Variants in GBX1 observed in about 807,000 individuals in gnomAD.
The protein encoded by GBX1 is gastrulation brain homeobox 1.
In GBX1, 9 loss-of-function variants were observed where a neutral mutation model predicts 22.9. The observed-to-expected ratio is 0.39, with a 90% CI of 0.24 to 0.69. The LOEUF (loss-of-function observed/expected upper bound fraction) is 0.69, where lower values mean the gene tolerates loss of function less well. Ranked by LOEUF, GBX1 falls within the 30% of genes least tolerant of loss-of-function variation. The pLI, the probability that GBX1 is intolerant of heterozygous loss-of-function variation, is 0.43. For synonymous variants in GBX1, 203 were observed against 227.3 expected, an observed-to-expected ratio of 0.89 and a Z score of 0.96; for missense variants, 494 against 509.2, an observed-to-expected ratio of 0.97 and a Z score of 0.29.
chr7:151,166,952 T>C, intron 1 of GBX1, 59 bp downstream of exon 1: 4 of 1,558,510 alleles, frequency 2.6e-6, no homozygotes, highest in Non-Finnish European at 3.5e-6. Flanking sequence ...AGCAGGTTCC[T>C]GTCTGGAATT....
intron 1 of GBX1, among the ~76,000 whole-genome samples, chr7:151,164,438 T>G (rs1440805247): frequency 6.6e-6 from 1 of 152,196 alleles, no homozygotes; most frequent in East Asian, 1.9e-4. Context: ...TTTTCTTTTC[T>G]CAATGATTTC....
At chr7:151,149,713 C>T in intron 1 of GBX1, 1 of 334,852 alleles carries the variant, frequency 3.0e-6, no homozygotes, top group Non-Finnish European at 5.9e-6. Flanking sequence ...CCTCATCTGG[C>T]CCAGCTGACG....
intron 1 of GBX1, chr7:151,150,056 G>A (rs1405011655): frequency 7.4e-6 from 3 of 406,714 alleles, no homozygotes; most frequent in East Asian, 1.6e-4. Flanking sequence ...GAGGAAGAGG[G>A]AAAAGTGCAA....
intron 1 of GBX1, among the ~76,000 whole-genome samples, chr7:151,153,697 C>G (rs1484217315): frequency 1.3e-5 from 2 of 152,166 alleles, no homozygotes; most frequent in East Asian, 3.9e-4. Context: ...TAGGCGCACA[C>G]CACCATGGCT....
intron 1 of GBX1, among the ~76,000 whole-genome samples, chr7:151,163,220 A>T (rs974972968): frequency 3.9e-5 from 6 of 151,980 alleles, no homozygotes; most frequent in Non-Finnish European, 5.9e-5. Flanking sequence ...ACAGCAAGTT[A>T]GCTTTGATTA....
At position 151,148,778 on chromosome 7, in the gene GBX1, A is replaced by C. The variant is rs2150546821; in HGVS notation, c.903T>G (p.Ser301Arg). 1 of 1,614,008 alleles carries C rather than the reference A, an allele frequency of 6.2e-7. No homozygotes were observed. The highest frequency in any genetic ancestry group is 1.1e-5 in the South Asian group (1 of 91,080). Residue 301 changes from serine to arginine, a missense_variant, in exon 2 of 2, where the codon AGT becomes AGG. By Grantham distance (110) the Ser-to-Arg change is moderately radical. This residue lies in a region of GBX1 where 124 missense variants were observed against 152.0 expected (regional missense o/e 0.82). Transcript: ENST00000297537. The surrounding 1 kb of genome is among the most constrained non-coding windows in gnomAD (Gnocchi z 5.1). ...RSQIAHALKL[S>R]EVQVKIWFQN... ...GAAACCAGATCTTGACCTGCACCTC[A>C]CTGAGCTTGAGGGCGTGGGCGATCT...
intron 1 of GBX1, among the ~76,000 whole-genome samples, chr7:151,159,111 G>T (rs1258393138): frequency 6.7e-6 from 1 of 149,318 alleles, no homozygotes; most frequent in African/African-American, 2.5e-5. Flanking sequence ...TTGAGACAGG[G>T]TCTCACTCCG....
rs1801274497 is a variant in GBX1, at chr7:151,167,517, C to G, written c.32G>C (p.Gly11Ala). The G allele has an allele frequency of 6.8e-7, 1 of 1,475,512 alleles. No individual in the cohort carries two copies. The highest frequency in any genetic ancestry group is 1.3e-5 in the South Asian group (1 of 77,946). The allele number at this position is 1,475,512 out of a possible 1,614,324, so 91.4% of individuals were successfully genotyped here. Residue 11 changes from glycine to alanine, a missense_variant, in exon 1 of 2, where the codon GGG becomes GCG. Coordinates refer to ENST00000297537, the MANE Select transcript of GBX1 (RefSeq NM_001098834.3). The surrounding 1 kb of genome is among the most constrained non-coding windows in gnomAD (Gnocchi z 5.9). MQRAGGGSAP[G>A]GNGGGGGGGP... The stretch of plus-strand genomic sequence containing the variant: ...CCCGCCGCCGCCCCCGCCGTTGCCC[C>G]CAGGGGCGCTACCGCCTCCGGCCCG...
At chr7:151,152,444 G>A (rs1801090685) in intron 1 of GBX1, among the ~76,000 whole-genome samples, 3 of 152,116 alleles carry the variant, frequency 2.0e-5, no homozygotes, top group Admixed American at 2.0e-4. Context: ...AGAAATTAAG[G>A]ACAATCCTAA....
At chr7:151,156,147 G>C (rs1480286870) in intron 1 of GBX1, among the ~76,000 whole-genome samples, 2 of 152,100 alleles carry the variant, frequency 1.3e-5, no homozygotes, top group Non-Finnish European at 2.9e-5. Context: ...ACTTTGGGAA[G>C]CCAAGGCGGG....
chr7:151,162,057 G>A (rs1801192970), intron 1 of GBX1, among the ~76,000 whole-genome samples: 1 of 152,218 alleles, frequency 6.6e-6, no homozygotes, highest in Non-Finnish European at 1.5e-5. Flanking sequence ...CAACTAATGA[G>A]TGACAAAGGT....
Position 151,167,200 on chromosome 7 carries a change from C to T in GBX1, c.349G>A (p.Gly117Arg). 6.4e-7 allele frequency: 1 copy of T among 1,567,174 alleles called. No individual in the cohort carries two copies. Among genetic ancestry groups the T allele is most frequent in the Non-Finnish European group, 8.6e-7 (1 of 1,158,754 alleles). The change falls in exon 1 of 2, where the codon GGG becomes AGG. Residue 117 changes from glycine to arginine, a missense_variant. Around this residue, in one of 3 missense-constraint regions of GBX1, gnomAD observed 365 missense variants for 340.4 expected, o/e 1.07. Coordinates refer to ENST00000297537, the MANE Select transcript of GBX1 (RefSeq NM_001098834.3). This position sits in a 1 kb window ranked among gnomAD's most constrained non-coding sequence, Gnocchi z 5.9. ...GCGGCGGCGGCGAGCTCCTGGGGCC[C>T]GTAGAAAGCGTCGGGCGGCTCCGCG... ...SFAEPPDAFYGPQELAAAAAA... is the reference protein window; with the variant it reads ...SFAEPPDAFYRPQELAAAAAA...
At chr7:151,165,747 G>C (rs1039852366) in intron 1 of GBX1, among the ~76,000 whole-genome samples, 2 of 152,306 alleles carry the variant, frequency 1.3e-5, no homozygotes, top group Admixed American at 1.3e-4. Flanking sequence ...AGGGCGAAAG[G>C]AGAAAAGAAT....
rs147290569 is a variant in GBX1, at chr7:151,148,563, G to T, written c.*26C>A. 2 of 1,601,252 alleles carry T rather than the reference G, an allele frequency of 1.2e-6. No homozygotes were observed. Among genetic ancestry groups the T allele is most frequent in the Non-Finnish European group, 1.7e-6 (2 of 1,171,764 alleles). On this transcript the variant is annotated 3_prime_UTR_variant, in exon 2 of 2. Coordinates refer to ENST00000297537, the MANE Select transcript of GBX1 (RefSeq NM_001098834.3). The surrounding 1 kb of genome is among the most constrained non-coding windows in gnomAD (Gnocchi z 5.1). Reference sequence around the variant, plus strand: ...GAGCAGGCTCAGGTACAGATCCCTCGCCTTCCTAAGTTCTTGGGTGCCCAT... The same window carrying T: ...GAGCAGGCTCAGGTACAGATCCCTCTCCTTCCTAAGTTCTTGGGTGCCCAT...
intron 1 of GBX1, among the ~76,000 whole-genome samples, chr7:151,155,269 A>T (rs1179153247): frequency 6.6e-6 from 1 of 152,178 alleles, no homozygotes; most frequent in Non-Finnish European, 1.5e-5. Flanking sequence ...ATCCAGTTCC[A>T]GTTTGGGTGG....
At chr7:151,166,313 C>G (rs1166860273) in intron 1 of GBX1, among the ~76,000 whole-genome samples, 2 of 152,086 alleles carry the variant, frequency 1.3e-5, no homozygotes, top group African/African-American at 4.8e-5. Flanking sequence ...TGGGCCACAC[C>G]CAACTCAGCC....
At chr7:151,158,326 A>C (rs1187926480) in intron 1 of GBX1, among the ~76,000 whole-genome samples, 2 of 152,206 alleles carry the variant, frequency 1.3e-5, no homozygotes, top group Non-Finnish European at 2.9e-5. Flanking sequence ...TCTGGACTTT[A>C]AAAAATCTCA....
At chr7:151,152,986 G>C (rs1801096176) in intron 1 of GBX1, among the ~76,000 whole-genome samples, 1 of 152,178 alleles carries the variant, frequency 6.6e-6, no homozygotes, top group African/African-American at 2.4e-5. Flanking sequence ...AGAAAATACA[G>C]CCACATGCCT....
At chr7:151,166,522 C>A (rs553474143) in intron 1 of GBX1, among the ~76,000 whole-genome samples, 1 of 138,372 alleles carries the variant, frequency 7.2e-6, no homozygotes, top group Admixed American at 7.2e-5. Flanking sequence ...TTTGCCCCTG[C>A]ATCCACAGAG....
Sources: allele counts gnomAD v4.1 joint callset (sites outside exome capture counted in the v4.1 genomes callset), GRCh38; gene constraint gnomAD v4.1.1; regional missense constraint gnomAD v4.1.1; non-coding constraint Gnocchi (gnomAD v3.1); transcripts MANE v1.5; gene names NCBI Gene and HGNC (gene_info 2026-07-23, HGNC 2026-07-21).